Variants in CDHR2 observed in about 807,000 individuals in gnomAD.
CDHR2 encodes cadherin related family member 2, also known as cadherin-related family member 2.
Under a neutral mutation model 138.6 loss-of-function variants are expected in CDHR2, and 104 were observed. The observed-to-expected ratio is 0.75, with a 90% CI of 0.64 to 0.88. The LOEUF (loss-of-function observed/expected upper bound fraction) is 0.88, where lower values mean the gene tolerates loss of function less well. CDHR2 is among the 40% of genes least tolerant of loss of function. The pLI, the probability that CDHR2 is intolerant of heterozygous loss-of-function variation, is 0.00. For synonymous variants in CDHR2, 755 were observed against 742.8 expected, an observed-to-expected ratio of 1.02 and a Z score of -0.27; for missense variants, 1,624 against 1,727.6, an observed-to-expected ratio of 0.94 and a Z score of 1.06.
chr5:176,556,961 C>CCCTCCCTT (rs1757842439), intron 1 of CDHR2, among the ~76,000 whole-genome samples: 3 of 146,596 alleles, frequency 2.0e-5, no homozygotes, highest in African/African-American at 7.5e-5. Flanking sequence ...CCCGCTCCCT[C>CCCTCCCTT]CCTCCCTTCC....
chr5:176,560,826 T>C (rs1757948706), intron 1 of CDHR2, among the ~76,000 whole-genome samples: 1 of 152,202 alleles, frequency 6.6e-6, no homozygotes, highest in Admixed American at 6.5e-5. Flanking sequence ...TTGTCAGCCT[T>C]CCTGATGTTC....
chr5:176,589,064 A>G lies in CDHR2; in HGVS notation c.2890A>G (p.Ile964Val), dbSNP rs1387154088. The G allele has an allele frequency of 1.2e-6, 2 of 1,613,996 alleles. No individual in the cohort carries two copies. The highest frequency in any genetic ancestry group is 2.7e-5 in the African/African-American group (2 of 74,912). Residue 964 changes from isoleucine (I) to valine (V), a missense_variant, in exon 22 of 32, where the codon ATC becomes GTC. Coordinates refer to ENST00000261944, the MANE Select transcript of CDHR2 (RefSeq NM_017675.6). ...RDDDSGNNGV[I>V]LFSILRVDFI... ...CGATGATTCAGGGAACAATGGCGTC[A>G]TCCTGTTCTCCATCCTCCGAGTAGA...
intron 17 of CDHR2, among the ~76,000 whole-genome samples, chr5:176,583,137 C>A (rs1463271817): frequency 6.6e-6 from 1 of 152,192 alleles, no homozygotes; most frequent in Non-Finnish European, 1.5e-5. Context: ...GAGAGAACTT[C>A]ATTTCCTGAG....
intron 31 of CDHR2, among the ~76,000 whole-genome samples, chr5:176,594,132 G>GA (rs1696065825): frequency 6.6e-6 from 1 of 152,186 alleles, no homozygotes; most frequent in Non-Finnish European, 1.5e-5. Context: ...GGAAGTAGGA[G>GA]AAGGGTCTGG....
intron 17 of CDHR2, among the ~76,000 whole-genome samples, chr5:176,583,976 G>A (rs535951549): frequency 1.3e-5 from 2 of 152,264 alleles, no homozygotes; most frequent in East Asian, 3.9e-4. Context: ...GATGTGTAAG[G>A]CCAAGGTCCC....
intron 19 of CDHR2, 149 bp downstream of exon 19, chr5:176,585,164 C>A: frequency 9.8e-7 from 1 of 1,022,124 alleles, no homozygotes; most frequent in Non-Finnish European, 1.4e-6. Context: ...AAACCCTCTC[C>A]AAGCTTCAGT....
intron 1 of CDHR2, among the ~76,000 whole-genome samples, chr5:176,554,454 C>T (rs1438485120): frequency 6.6e-6 from 1 of 152,168 alleles, no homozygotes; most frequent in Non-Finnish European, 1.5e-5. Flanking sequence ...CACTCATCCC[C>T]CGCTGCCTAC....
Position 176,589,449 on chromosome 5 carries a change from G to T in CDHR2, c.3117+11G>T. ...ACCACCACCCTGAATGTGAGTGCTG[G>T]TCCCACCTCCAGCCCCCAACGCCCT... is the stretch of plus-strand genomic sequence containing the variant. On this transcript the variant is annotated intron_variant, in intron 23 of 31. Transcript: ENST00000261944. 1 of 1,609,058 alleles carries T rather than the reference G, an allele frequency of 6.2e-7. No homozygotes were observed. Among genetic ancestry groups the T allele is most frequent in the Non-Finnish European group, 8.5e-7 (1 of 1,176,608 alleles).
chr5:176,568,585 G>A, intron 3 of CDHR2, 93 bp from the exon 4 acceptor site: 7 of 1,449,276 alleles, frequency 4.8e-6, no homozygotes, highest in South Asian at 2.6e-5. Flanking sequence ...GTACAGGGCA[G>A]CCAGGCGCCC....
intron 1 of CDHR2, among the ~76,000 whole-genome samples, chr5:176,556,342 A>G (rs1017747961): frequency 1.4e-4 from 22 of 152,246 alleles, no homozygotes; most frequent in South Asian, 1.0e-3. Context: ...GCACTCCAGA[A>G]TGGGTGACAG....
rs1311147486 is a variant in CDHR2, at chr5:176,553,516, G to C, written c.-16+4102G>C. On this transcript the variant is annotated intron_variant, in intron 1 of 31. Transcript: ENST00000261944. This position sits in a 1 kb window ranked among gnomAD's most constrained non-coding sequence, Gnocchi z 4.3. Reference sequence around the variant, plus strand: ...TTGATACCTGCTGGCTGCACACCTAGTGACTAATTGTCCCGTGGCAGTTGA... The same window carrying C: ...TTGATACCTGCTGGCTGCACACCTACTGACTAATTGTCCCGTGGCAGTTGA... Among the ~76,000 whole-genome samples, 1 of 152,132 alleles carries C rather than the reference G, an allele frequency of 6.6e-6. No homozygotes were observed. The highest frequency in any genetic ancestry group is 2.4e-5 in the African/African-American group (1 of 41,422).
At position 176,576,733 on chromosome 5, in the gene CDHR2, C is replaced by T. The variant is rs554552075; in HGVS notation, c.1194+548C>T. Among the ~76,000 whole-genome samples the T allele has an allele frequency of 6.6e-6, 1 of 152,204 alleles. No individual in the cohort carries two copies. Among genetic ancestry groups the T allele is most frequent in the East Asian group, 1.9e-4 (1 of 5,158 alleles). ...CTGTGATTACAGGTGTGCACCACCTCGCCCAGCTAATTTTTGTGTTTTTAG... is the reference window on the plus strand; with the variant it reads ...CTGTGATTACAGGTGTGCACCACCTTGCCCAGCTAATTTTTGTGTTTTTAG... On this transcript the variant is annotated intron_variant, in intron 12 of 31. Coordinates refer to ENST00000261944, the MANE Select transcript of CDHR2 (RefSeq NM_017675.6). This position sits in a 1 kb window ranked among gnomAD's most constrained non-coding sequence, Gnocchi z 4.5.
At position 176,558,676 on chromosome 5, in the gene CDHR2, C is replaced by T. The variant is rs376465993; in HGVS notation, c.-15-6662C>T. Among the ~76,000 whole-genome samples the T allele has an allele frequency of 1.4e-4, 22 of 152,248 alleles. No homozygotes were observed. In the East Asian group the frequency reaches 3.5e-3, roughly 24 times the overall value. ...CTGGGATTACAGGCGTGAGCCACCGCGCCTGGCTAATTTTTTGTATTTTTT... is the reference window on the plus strand; with the variant it reads ...CTGGGATTACAGGCGTGAGCCACCGTGCCTGGCTAATTTTTTGTATTTTTT... On this transcript the variant is annotated intron_variant, in intron 1 of 31. Coordinates refer to ENST00000261944, the MANE Select transcript of CDHR2 (RefSeq NM_017675.6).
chr5:176,594,101 C>T (rs1561884359), intron 31 of CDHR2, among the ~76,000 whole-genome samples: 2 of 152,178 alleles, frequency 1.3e-5, no homozygotes, highest in Admixed American at 6.5e-5. Flanking sequence ...GTGGCTGGAT[C>T]TGTGGACTGG....
intron 30 of CDHR2, among the ~76,000 whole-genome samples, chr5:176,592,153 ACAATG>A (rs1758883425): frequency 7.9e-6 from 1 of 126,352 alleles, no homozygotes; most frequent in Non-Finnish European, 1.7e-5. Context: ...GGTGATGATG[ACAATG>A]ATGATGGTGG....
At chr5:176,595,972 T>C (rs1311574567), downstream of CDHR2, 1 of 261,870 alleles carries the variant, frequency 3.8e-6, no homozygotes, top group Non-Finnish European at 7.2e-6. Flanking sequence ...GGTTATAGAA[T>C]GAGCTCTCTG....
At chr5:176,563,000 T>C (rs4485947) in intron 1 of CDHR2, among the ~76,000 whole-genome samples, 119,514 of 152,142 alleles carry the variant, frequency 0.79, 47,226 homozygotes, top group Admixed American at 0.81. Flanking sequence ...GGTCTGTGGT[T>C]GGTGGGCTCT....
At chr5:176,574,443 G>A (rs1758312513) in intron 7 of CDHR2, among the ~76,000 whole-genome samples, 1 of 152,160 alleles carries the variant, frequency 6.6e-6, no homozygotes, top group African/African-American at 2.4e-5. Context: ...TAAGGGGTGT[G>A]TAAACCCATT....
At chr5:176,581,290 C>A in intron 16 of CDHR2, 53 bp from the exon 17 acceptor site, 1 of 1,601,344 alleles carries the variant, frequency 6.2e-7, no homozygotes, top group South Asian at 1.1e-5. Flanking sequence ...ATCGGAGGGG[C>A]TGGGGGCTGG....
Sources: allele counts gnomAD v4.1 joint callset (sites outside exome capture counted in the v4.1 genomes callset), GRCh38; gene constraint gnomAD v4.1.1; non-coding constraint Gnocchi (gnomAD v3.1); transcripts MANE v1.5; gene names NCBI Gene and HGNC (gene_info 2026-07-23, HGNC 2026-07-21).